Variants in MTRF1 observed in about 807,000 individuals in gnomAD.
MTRF1 encodes peptide chain release factor 1, mitochondrial.
MTRF1 carries 51 observed loss-of-function variants against 62.9 expected under a neutral mutation model. The observed-to-expected ratio is 0.81, with a 90% CI of 0.65 to 1.02. The LOEUF (loss-of-function observed/expected upper bound fraction) is 1.02, where lower values mean the gene tolerates loss of function less well. Among genes scored for constraint, MTRF1 ranks in the 50% least tolerant of loss-of-function variants. The pLI, the probability that MTRF1 is intolerant of heterozygous loss-of-function variation, is 0.00. For synonymous variants in MTRF1, 158 were observed against 181.9 expected (o/e 0.87, Z 1.06); for missense variants, 446 against 530.0 (o/e 0.84, Z 1.56).
chr13:41,260,413 G>T, intron 2 of MTRF1, 80 bp downstream of exon 2: 1 of 1,244,630 alleles, frequency 8.0e-7, no homozygotes, highest in Non-Finnish European at 1.1e-6. Flanking sequence ...AATCAAATCT[G>T]TACTTACACA....
rs1555243201 is a variant in MTRF1 at position 41,220,323 on chromosome 13, G to GAAAAAAAAAAAAAAAAAAAAAAA, written c.1224+2932_1224+2933insTTTTTTTTTTTTTTTTTTTTTTT. Reference sequence around the variant, plus strand: ...GGGCAACAGAGTGAGAATCTGTCTCGGAAAAAAAAAAAAAAAAAAAAAACA... The same window carrying GAAAAAAAAAAAAAAAAAAAAAAA: ...GGGCAACAGAGTGAGAATCTGTCTCGAAAAAAAAAAAAAAAAAAAAAAAGAAAAAAAAAAAAAAAAAAAAAACA... On this transcript the variant is annotated intron_variant, in intron 9 of 9. Coordinates refer to ENST00000379480, the MANE Select transcript of MTRF1 (RefSeq NM_004294.4). 3.2e-5 allele frequency among the ~76,000 whole-genome samples: 3 copies of GAAAAAAAAAAAAAAAAAAAAAAA among 93,324 alleles called. 1 individual carries two copies. The allele number at this position is 93,324 out of a possible 152,430, so 61.2% of individuals were successfully genotyped here. A position where few individuals can be genotyped will look rare whatever the true frequency, so the allele number is the denominator to read the frequency against.
At chr13:41,255,455 G>A (rs2039584239) in intron 2 of MTRF1, among the ~76,000 whole-genome samples, 1 of 152,188 alleles carries the variant, frequency 6.6e-6, no homozygotes, top group Non-Finnish European at 1.5e-5. Flanking sequence ...ACTTTGGGAG[G>A]CCAAGGCAGG....
Position 41,224,307 on chromosome 13 carries a change from T to C in MTRF1, c.1126-953A>G, listed in dbSNP as rs529650533. ...ACAGTTTGTCTCATGCTACAGTTATTTGCATTCTTCTTAGTCTGCTCATCT... is the reference window on the plus strand; with the variant it reads ...ACAGTTTGTCTCATGCTACAGTTATCTGCATTCTTCTTAGTCTGCTCATCT... On this transcript the variant is annotated intron_variant, in intron 8 of 9. Coordinates refer to ENST00000379480, the MANE Select transcript of MTRF1 (RefSeq NM_004294.4). Among the ~76,000 whole-genome samples, 135 of 152,296 alleles carry C rather than the reference T, an allele frequency of 8.9e-4. 1 individual carries two copies. Among genetic ancestry groups the C allele is most frequent in the Non-Finnish European group, 1.6e-3 (111 of 68,010 alleles).
the MTRF1 span, among the ~76,000 whole-genome samples, chr13:41,292,574 C>T: frequency 9.0e-6 from 1 of 110,568 alleles, no homozygotes; most frequent in Non-Finnish European, 1.7e-5. Context: ...GAGGGAGATT[C>T]TGTCTCAAAA....
chr13:41,227,694 T>A (rs2034706750), intron 7 of MTRF1, among the ~76,000 whole-genome samples: 1 of 152,240 alleles, frequency 6.6e-6, no homozygotes, highest in African/African-American at 2.4e-5. Flanking sequence ...AAAAGCCCCA[T>A]TAGCTTAGCC....
chr13:41,258,669 G>A (rs972348356), intron 2 of MTRF1, among the ~76,000 whole-genome samples: 13 of 151,170 alleles, frequency 8.6e-5, no homozygotes, highest in South Asian at 2.1e-4. Flanking sequence ...TAAAAAATAC[G>A]TCAGTCTTGT....
At chr13:41,229,715 G>T (rs1462678331) in intron 7 of MTRF1, 1 of 152,090 alleles carries the variant, frequency 6.6e-6, no homozygotes, top group African/African-American at 2.4e-5. Context: ...GTATAATATA[G>T]AATGATATCC....
At chr13:41,258,151 T>C (rs1021188888) in intron 2 of MTRF1, among the ~76,000 whole-genome samples, 1 of 152,116 alleles carries the variant, frequency 6.6e-6, no homozygotes, top group Non-Finnish European at 1.5e-5. Context: ...AAAAAATATC[T>C]CCATTAAACG....
chr13:41,284,152 G>A, the MTRF1 span, among the ~76,000 whole-genome samples: 1 of 151,390 alleles, frequency 6.6e-6, no homozygotes, highest in Non-Finnish European at 1.5e-5. Context: ...GACCAGCCTG[G>A]GCAACATGGG....
chr13:41,249,382 A>G (rs887551174), intron 5 of MTRF1, among the ~76,000 whole-genome samples: 5 of 152,072 alleles, frequency 3.3e-5, no homozygotes, highest in Admixed American at 1.3e-4. Flanking sequence ...TCTACTAAAA[A>G]TACAAAAAAT....
At chr13:41,297,139 T>C in the MTRF1 span, among the ~76,000 whole-genome samples, 5 of 152,130 alleles carry the variant, frequency 3.3e-5, no homozygotes, top group Non-Finnish European at 7.4e-5. Context: ...AGAAAAAGAA[T>C]TACAAGGGAC....
At chr13:41,298,919 C>T in the MTRF1 span, among the ~76,000 whole-genome samples, 2 of 152,310 alleles carry the variant, frequency 1.3e-5, no homozygotes, top group African/African-American at 4.8e-5. Flanking sequence ...GAGGCTCACA[C>T]CTGTAATCCC....
At chr13:41,285,633 A>G in the MTRF1 span, among the ~76,000 whole-genome samples, 1 of 152,186 alleles carries the variant, frequency 6.6e-6, no homozygotes, top group Non-Finnish European at 1.5e-5. Flanking sequence ...TCAGACAGAG[A>G]GTTACTGCTA....
chr13:41,260,067 T>C (rs1373577490), intron 2 of MTRF1, among the ~76,000 whole-genome samples: 2 of 152,206 alleles, frequency 1.3e-5, no homozygotes, highest in Non-Finnish European at 2.9e-5. Flanking sequence ...GAGGAGCCTG[T>C]TTACTTAGTA....
chr13:41,273,114 C>A, the MTRF1 span, among the ~76,000 whole-genome samples: 1 of 151,990 alleles, frequency 6.6e-6, no homozygotes, highest in Non-Finnish European at 1.5e-5. Context: ...ATCACGAGGT[C>A]AGGAGATCGA....
intron 2 of MTRF1, among the ~76,000 whole-genome samples, chr13:41,260,232 C>T (rs2040283075): frequency 6.6e-6 from 1 of 151,866 alleles, no homozygotes; most frequent in African/African-American, 2.4e-5. Context: ...CTTTGGAAAG[C>T]CCTGGCACAA....
chr13:41,297,801 C>G, the MTRF1 span, among the ~76,000 whole-genome samples: 1 of 151,832 alleles, frequency 6.6e-6, no homozygotes. Flanking sequence ...GTCTTAAACC[C>G]CTTACCTCCA....
the MTRF1 span, among the ~76,000 whole-genome samples, chr13:41,281,003 A>G: frequency 6.6e-6 from 1 of 152,226 alleles, no homozygotes; most frequent in Non-Finnish European, 1.5e-5. Flanking sequence ...AACTACAATC[A>G]TTATAGCAGT....
At chr13:41,282,137 C>CAA in the MTRF1 span, among the ~76,000 whole-genome samples, 6 of 79,448 alleles carry the variant, frequency 7.6e-5, no homozygotes, top group Non-Finnish European at 1.0e-4. Context: ...GACTCCGTCT[C>CAA]AAAAAAAAAA....
Sources: allele counts gnomAD v4.1 joint callset (sites outside exome capture counted in the v4.1 genomes callset), GRCh38; gene constraint gnomAD v4.1.1; transcripts MANE v1.5; gene names NCBI Gene and HGNC (gene_info 2026-07-23, HGNC 2026-07-21).